The following HUWE1 variants were observed in gnomAD, a reference collection of about 807,000 sequenced individuals.
HUWE1 encodes HECT, UBA and WWE domain containing E3 ubiquitin protein ligase 1, also known as E3 ubiquitin-protein ligase HUWE1.
In HUWE1, 18 loss-of-function variants were observed where a neutral mutation model predicts 299.4. The observed-to-expected ratio is 0.06, with a 90% CI of 0.04 to 0.09. HUWE1 has a LOEUF of 0.09. HUWE1 is among the 10% of genes least tolerant of loss of function. The probability of loss-of-function intolerance (pLI) is 1.00; values close to 1 mark genes in which losing one functional copy is unlikely to be tolerated. For missense variants in HUWE1, 1,832 were observed against 3,462.3 expected, an observed-to-expected ratio of 0.53 and a Z score of 11.82; for synonymous variants, 1,317 against 1,286.1, an observed-to-expected ratio of 1.02 and a Z score of -0.51.
Position 53,557,415 on chromosome X carries a change from T to C in HUWE1, c.8173A>G (p.Lys2725Glu). 1 of 1,208,333 alleles carries C rather than the reference T, an allele frequency of 8.3e-7. No homozygotes were observed. Among genetic ancestry groups the C allele is most frequent in the African/African-American group, 1.7e-5 (1 of 57,656 alleles). Residue 2725 changes from lysine to glutamate, a missense_variant, in exon 60 of 84, where the codon AAG (lysine) becomes GAG (glutamate). Lys to Glu is a moderately conservative substitution (Grantham distance 56). Transcript: ENST00000262854. The stretch of plus-strand genomic sequence containing the variant: ...TTCTGTTCAGTGGAGTCATTTGACT[T>C]AGATGCAGTACACTGCAAAAAGAAG... Reference protein sequence around the residue: ...RDQSAQCTASKSNDSTEQNLS... With the variant: ...RDQSAQCTASESNDSTEQNLS...
intron 47 of HUWE1, among the ~76,000 whole-genome samples, chrX:53,571,571 T>C (rs923849777): frequency 3.6e-5 from 4 of 111,882 alleles, no homozygotes; most frequent in Admixed American, 2.8e-4. Context: ...CACTGCATTC[T>C]AGCCTGGGAG....
At chrX:53,655,004 A>G (rs1428468349) in intron 3 of HUWE1, among the ~76,000 whole-genome samples, 5 of 111,800 alleles carry the variant, frequency 4.5e-5, no homozygotes, top group African/African-American at 1.6e-4. Flanking sequence ...TTATTAAGCC[A>G]TGTAATTTGG....
intron 7 of HUWE1, among the ~76,000 whole-genome samples, chrX:53,643,710 A>G (rs1557033064): frequency 8.9e-6 from 1 of 112,265 alleles, no homozygotes; most frequent in African/African-American, 3.2e-5. Context: ...CTGTTTCTGT[A>G]TATTGATCTC....
intron 43 of HUWE1, among the ~76,000 whole-genome samples, chrX:53,577,511 C>CTCTCCG (rs2063182644): frequency 2.2e-5 from 2 of 88,933 alleles, no homozygotes; most frequent in African/African-American, 3.6e-5. Context: ...CTCCCTCTCC[C>CTCTCCG]TCTCCCTCTC....
At chrX:53,580,110 T>C (rs1471324711) in intron 43 of HUWE1, among the ~76,000 whole-genome samples, 7 of 111,377 alleles carry the variant, frequency 6.3e-5, no homozygotes, top group African/African-American at 2.3e-4. Context: ...AGGACATATA[T>C]TTTCTTTTTT....
rs375073885 is a variant in HUWE1, at chrX:53,648,284, G to A, written c.72C>T (p.Asp24=). 2.5e-6 allele frequency: 3 copies of A among 1,191,050 alleles called. No individual in the cohort carries two copies. The African/African-American group carries it at 5.3e-5, about 21-fold the overall frequency. ...GCTCATCATTACAAACTTTGAGTTT[G>A]TCTATTAAGGCTCTGCAGTCTGCAG... ...EAPADCRALI[D]KLKVCNDEQL... The change falls in exon 5 of 84, where the codon GAC becomes GAT. Residue 24 remains aspartate (D), a synonymous_variant. Coordinates refer to ENST00000262854, the MANE Select transcript of HUWE1 (RefSeq NM_031407.7).
intron 55 of HUWE1, 119 bp downstream of exon 55, chrX:53,561,637 G>A (rs2062298484): frequency 9.7e-7 from 1 of 1,035,612 alleles, no homozygotes; most frequent in African/African-American, 1.9e-5. Flanking sequence ...GCCCCAGGAA[G>A]TCAGCATAGG....
At position 53,630,941 on chromosome X, in the gene HUWE1, T is replaced by C. The variant is rs782719812; in HGVS notation, c.856A>G (p.Ile286Val). ...TAAAGTATTCTTCTCTTACCTAATATAGATATTGCATGCAGTCTGGCCTGA... is the reference window on the plus strand; with the variant it reads ...TAAAGTATTCTTCTCTTACCTAATACAGATATTGCATGCAGTCTGGCCTGA... ...AVQARLHAIS[I>V]LVYSNALQES... The change falls in exon 12 of 84, where the codon ATA (isoleucine) becomes GTA (valine). Residue 286 changes from isoleucine to valine, a missense_variant. Ile to Val is a conservative substitution (Grantham distance 29, BLOSUM62 3). This residue lies in a region of HUWE1 where 658 missense variants were observed against 1,282.6 expected (regional missense o/e 0.51). Coordinates refer to ENST00000262854, the MANE Select transcript of HUWE1 (RefSeq NM_031407.7). The C allele has an allele frequency of 3.6e-6, 4 of 1,125,432 alleles. No homozygotes were observed. In the African/African-American group the frequency reaches 5.4e-5, roughly 15 times the overall value. 92.7% of individuals were successfully genotyped at this position (1,125,432 alleles called of 1,213,427 possible). A position where few individuals can be genotyped will look rare whatever the true frequency, so the allele number is the denominator to read the frequency against.
chrX:53,559,591 G>C, intron 56 of HUWE1, 59 bp from the exon 57 acceptor site: 1 of 986,593 alleles, frequency 1.0e-6, no homozygotes, highest in Non-Finnish European at 1.4e-6. Context: ...CCTGCAACCT[G>C]TTACCATGAG....
chrX:53,538,719 C>T, intron 76 of HUWE1, 116 bp downstream of exon 76: 1 of 713,001 alleles, frequency 1.4e-6, no homozygotes, highest in Non-Finnish European at 2.1e-6. Flanking sequence ...CACACACACA[C>T]ACACACTCTC....
chrX:53,611,857 C>CA (rs781834430), intron 23 of HUWE1, among the ~76,000 whole-genome samples: 1,603 of 73,950 alleles, frequency 0.022, 12 homozygotes, highest in African/African-American at 0.039. Flanking sequence ...GACTCTGTCT[C>CA]AAAAAAAAAA....
rs143539277 is a variant in HUWE1 at position 53,665,945 on chromosome X, G to A, written c.-24-11814C>T. On this transcript the variant is annotated intron_variant, in intron 3 of 83. Coordinates refer to ENST00000262854, the MANE Select transcript of HUWE1 (RefSeq NM_031407.7). Reference sequence around the variant, plus strand: ...GTGGGAGGATCACTTGAGGCCAGGAGTTTTCCCGAGACCAGCCTGGGCCAC... The same window carrying A: ...GTGGGAGGATCACTTGAGGCCAGGAATTTTCCCGAGACCAGCCTGGGCCAC... Among the ~76,000 whole-genome samples, 99 of 110,881 alleles carry A rather than the reference G, an allele frequency of 8.9e-4. No homozygotes were observed. In the East Asian group the frequency reaches 0.027, roughly 30 times the overall value.
intron 50 of HUWE1, 49 bp downstream of exon 50, chrX:53,565,018 A>G: frequency 8.7e-7 from 1 of 1,151,371 alleles, no homozygotes; most frequent in Non-Finnish European, 1.2e-6. Context: ...TCCCAGGCCC[A>G]TAAAGCAACT....
At chrX:53,619,957 G>A (rs1189694061) in intron 19 of HUWE1, among the ~76,000 whole-genome samples, 2 of 111,859 alleles carry the variant, frequency 1.8e-5, no homozygotes, top group Non-Finnish European at 3.8e-5. Context: ...CATCACCAGT[G>A]GGGGCTCACC....
At position 53,532,400 on chromosome X, in the gene HUWE1, T is replaced by C. The variant is rs1303673484; in HGVS notation, c.*909A>G. ...AACTGAGCCCCAGACTCAAGACTAC[T>C]AGAAAGGCTCACCAAGTAAAACCCT... On this transcript the variant is annotated 3_prime_UTR_variant, in exon 84 of 84. Coordinates refer to ENST00000262854, the MANE Select transcript of HUWE1 (RefSeq NM_031407.7). The C allele has an allele frequency of 2.7e-5, 3 of 111,917 alleles. No individual in the cohort carries two copies. In the East Asian group the frequency reaches 8.4e-4, roughly 31 times the overall value. 9.2% of individuals were successfully genotyped at this position (111,917 alleles called of 1,213,427 possible).
intron 62 of HUWE1, 40 bp from the exon 63 acceptor site, chrX:53,552,481 C>T (rs782697070): frequency 1.2e-5 from 15 of 1,208,648 alleles, no homozygotes; most frequent in Non-Finnish European, 1.7e-5. Flanking sequence ...TGTATTATGT[C>T]TTCTCGTTTA....
At chrX:53,682,722 T>A (rs182345596) in intron 2 of HUWE1, among the ~76,000 whole-genome samples, 40 of 110,810 alleles carry the variant, frequency 3.6e-4, no homozygotes, top group African/African-American at 1.2e-3. Context: ...CAAAAATAGA[T>A]GTCCACAGAC....
intron 43 of HUWE1, 121 bp downstream of exon 43, chrX:53,580,710 C>A: frequency 6.0e-6 from 4 of 664,646 alleles, no homozygotes; most frequent in Non-Finnish European, 9.4e-6. Flanking sequence ...AATTAGCCAG[C>A]AAATGTCCTA....
At chrX:53,639,330 A>G (rs1462238884) in intron 7 of HUWE1, among the ~76,000 whole-genome samples, 1 of 112,049 alleles carries the variant, frequency 8.9e-6, no homozygotes, top group African/African-American at 3.2e-5. Context: ...ATCTCTTATA[A>G]TATCATATTA....
Sources: allele counts gnomAD v4.1 joint callset (sites outside exome capture counted in the v4.1 genomes callset), GRCh38; gene constraint gnomAD v4.1.1; regional missense constraint gnomAD v4.1.1; transcripts MANE v1.5; gene names NCBI Gene and HGNC (gene_info 2026-07-23, HGNC 2026-07-21).